The following KCNK13 variants were observed in gnomAD, a reference collection of about 807,000 sequenced individuals.
KCNK13 encodes potassium two pore domain channel subfamily K member 13.
Under a neutral mutation model 23.4 loss-of-function variants are expected in KCNK13, and 12 were observed. The observed-to-expected ratio is 0.51, with a 90% confidence interval of 0.33 to 0.83. The LOEUF (loss-of-function observed/expected upper bound fraction) is 0.83. KCNK13 is among the 40% of genes least tolerant of loss of function. KCNK13 has a pLI of 0.02. For missense variants in KCNK13, 463 were observed against 556.3 expected, an observed-to-expected ratio of 0.83 and a Z score of 1.69; for synonymous variants, 231 against 229.5, an observed-to-expected ratio of 1.01 and a Z score of -0.06.
At chr14:90,143,056 T>C (rs544036950) in intron 1 of KCNK13, among the ~76,000 whole-genome samples, 51 of 152,164 alleles carry the variant, frequency 3.4e-4, no homozygotes, top group Non-Finnish European at 4.4e-4. Context: ...TAGAGTTATC[T>C]CCTGTGAGTA....
chr14:90,184,900 C>T lies in KCNK13; in HGVS notation c.1124C>T (p.Pro375Leu), dbSNP rs1890532121. ...KQLSEMANGC[P>L]HQTSTLARDN... ...CTGTCTGAGATGGCCAACGGCTGCC[C>T]CCACCAGACCAGCACACTGGCCCGG... Residue 375 changes from proline to leucine, a missense_variant, in exon 2 of 2, where the codon CCC becomes CTC. Physicochemically the swap from Pro to Leu is moderately conservative, Grantham distance 98 (BLOSUM62 -3). This residue lies in a region of KCNK13 where 166 missense variants were observed against 178.8 expected (regional missense o/e 0.93). Transcript: ENST00000282146. The surrounding 1 kb of genome is among the most constrained non-coding windows in gnomAD (Gnocchi z 5.6). 6.2e-7 allele frequency: 1 copy of T among 1,613,872 alleles called. No individual in the cohort carries two copies. The highest frequency in any genetic ancestry group is 8.5e-7 in the Non-Finnish European group (1 of 1,179,960).
At chr14:90,094,653 T>C (rs1399046329) in intron 1 of KCNK13, among the ~76,000 whole-genome samples, 2 of 143,784 alleles carry the variant, frequency 1.4e-5, no homozygotes, top group Non-Finnish European at 3.0e-5. Context: ...TTCTTTTTTT[T>C]TTTTTTTTTT....
At chr14:90,119,015 T>C (rs1889707185) in intron 1 of KCNK13, among the ~76,000 whole-genome samples, 1 of 152,226 alleles carries the variant, frequency 6.6e-6, no homozygotes, top group African/African-American at 2.4e-5. Context: ...TTTGAACACC[T>C]GTATGCACAC....
At chr14:90,175,209 CA>C (rs1890409525) in intron 1 of KCNK13, among the ~76,000 whole-genome samples, 1 of 152,180 alleles carries the variant, frequency 6.6e-6, no homozygotes. Context: ...ATTTACTTCT[CA>C]GGGGTACCTA....
At chr14:90,099,657 G>T (rs1480618628) in intron 1 of KCNK13, among the ~76,000 whole-genome samples, 1 of 152,166 alleles carries the variant, frequency 6.6e-6, no homozygotes, top group African/African-American at 2.4e-5. Flanking sequence ...GGAAGTCATT[G>T]CAATTGCACA....
intron 1 of KCNK13, among the ~76,000 whole-genome samples, chr14:90,106,106 A>G (rs1389095653): frequency 6.6e-6 from 1 of 152,212 alleles, no homozygotes; most frequent in Non-Finnish European, 1.5e-5. Context: ...GAGGTGATTC[A>G]ATCAGAATAG....
intron 1 of KCNK13, among the ~76,000 whole-genome samples, chr14:90,143,148 T>TTTC: frequency 1.2e-4 from 1 of 8,630 alleles, no homozygotes; most frequent in Non-Finnish European, 5.3e-4. Context: ...GAGCAGAAAC[T>TTTC]TTCTTTCTTT....
intron 1 of KCNK13, among the ~76,000 whole-genome samples, chr14:90,133,403 C>G (rs1468186880): frequency 6.6e-6 from 1 of 151,846 alleles, no homozygotes; most frequent in Admixed American, 6.6e-5. Context: ...CGGGGAGTGA[C>G]TGCTGGTGAG....
At chr14:90,076,255 A>G (rs1889133036) in intron 1 of KCNK13, among the ~76,000 whole-genome samples, 1 of 152,228 alleles carries the variant, frequency 6.6e-6, no homozygotes, top group Non-Finnish European at 1.5e-5. Flanking sequence ...TATTTTTCTC[A>G]TATAGCAAGA....
intron 1 of KCNK13, among the ~76,000 whole-genome samples, chr14:90,090,663 C>T (rs1889334331): frequency 6.6e-6 from 1 of 152,180 alleles, no homozygotes; most frequent in Non-Finnish European, 1.5e-5. Context: ...ACCCAAATCT[C>T]ATCTCGAATT....
chr14:90,153,446 A>G (rs1044197300), intron 1 of KCNK13, among the ~76,000 whole-genome samples: 48 of 152,240 alleles, frequency 3.2e-4, no homozygotes, highest in African/African-American at 1.1e-3. Context: ...GTAAAAGTTT[A>G]TAGCACAGAG....
chr14:90,123,529 G>A (rs992857229), intron 1 of KCNK13, among the ~76,000 whole-genome samples: 3 of 152,176 alleles, frequency 2.0e-5, no homozygotes, highest in African/African-American at 4.8e-5. Flanking sequence ...GTCAGGTTAG[G>A]ACTTTGACAC....
At chr14:90,090,252 G>T (rs752874448) in intron 1 of KCNK13, among the ~76,000 whole-genome samples, 15 of 152,240 alleles carry the variant, frequency 9.9e-5, no homozygotes, top group Non-Finnish European at 2.2e-4. Flanking sequence ...CAAGACCATG[G>T]GAACCCACCT....
chr14:90,160,619 G>C (rs976140958), intron 1 of KCNK13, among the ~76,000 whole-genome samples: 3 of 151,990 alleles, frequency 2.0e-5, no homozygotes, highest in African/African-American at 7.2e-5. Context: ...AAGGCGGGTG[G>C]ATCACCTGAG....
intron 1 of KCNK13, among the ~76,000 whole-genome samples, chr14:90,171,154 A>T (rs1354943301): frequency 6.6e-6 from 1 of 152,218 alleles, no homozygotes; most frequent in African/African-American, 2.4e-5. Flanking sequence ...GCTAGGTGAG[A>T]AAGGAGACAG....
intron 1 of KCNK13, among the ~76,000 whole-genome samples, chr14:90,137,898 G>A (rs1889957500): frequency 6.6e-6 from 1 of 152,150 alleles, no homozygotes. Context: ...TGTTAGCCTG[G>A]CAAGTGGTCC....
At chr14:90,172,023 A>C (rs190514461) in intron 1 of KCNK13, among the ~76,000 whole-genome samples, 1 of 152,118 alleles carries the variant, frequency 6.6e-6, no homozygotes, top group African/African-American at 2.4e-5. Flanking sequence ...GACTTTATAA[A>C]GTTATAGAAG....
At position 90,184,340 on chromosome 14, in the gene KCNK13, C is replaced by T. The variant is rs35931687; in HGVS notation, c.564C>T (p.Ala188=). The change falls in exon 2 of 2, where the codon GCC becomes GCT. Residue 188 remains alanine, a synonymous_variant. Coordinates refer to ENST00000282146, the MANE Select transcript of KCNK13 (RefSeq NM_022054.4). This position sits in a 1 kb window ranked among gnomAD's most constrained non-coding sequence, Gnocchi z 5.6. The part of the protein sequence containing the change: ...DAGQCEVDSL[A]GWKPSVYYVM... ...GGCAGTGTGAGGTGGACAGCCTGGC[C>T]GGCTGGAAGCCCTCCGTGTACTACG... is the stretch of plus-strand genomic sequence containing the variant. 60,519 of 1,614,202 alleles carry T rather than the reference C, an allele frequency of 0.037. 2,387 individuals are homozygous for T. The highest frequency in any genetic ancestry group is 0.19 in the Admixed American group (11,648 of 60,026).
intron 1 of KCNK13, among the ~76,000 whole-genome samples, chr14:90,156,580 G>T (rs2140436326): frequency 6.6e-6 from 1 of 152,258 alleles, no homozygotes; most frequent in Non-Finnish European, 1.5e-5. Flanking sequence ...TGAAGAGAAG[G>T]ACAACTGTGA....
Sources: gnomAD v4.1 joint callset for allele counts (sites outside exome capture counted in the v4.1 genomes callset) on GRCh38, gnomAD v4.1.1 for gene constraint, gnomAD v4.1.1 regional missense constraint, Gnocchi (gnomAD v3.1) non-coding constraint, MANE v1.5 for transcripts, NCBI Gene and HGNC (gene_info 2026-07-23, HGNC 2026-07-21) for gene names.